The following TFEC variants were observed in gnomAD, a reference collection of about 807,000 sequenced individuals.
The protein encoded by TFEC is transcription factor EC, also known as class E basic helix-loop-helix protein 34.
TFEC carries 31 observed loss-of-function variants against 41.6 expected under a neutral mutation model. That is an observed-to-expected ratio of 0.74 (90% CI 0.56 to 1.01). The LOEUF (loss-of-function observed/expected upper bound fraction) is 1.01, where lower values mean the gene tolerates loss of function less well. Ranked by LOEUF, TFEC falls within the 50% of genes least tolerant of loss-of-function variation. The pLI is 0.00. For missense variants in TFEC, 402 were observed against 404.1 expected (o/e 0.99, Z 0.04); for synonymous variants, 143 against 140.6 (o/e 1.02, Z -0.12).
In TFEC at chr7:115,938,472, G is replaced by A. The variant is rs1793335788; in HGVS notation, c.*2079C>T. ...TAGCTGTTTCACATGGCATATTTCA[G>A]ATGAATTTATCTATCAGGCTTTAAT... On this transcript the variant is annotated 3_prime_UTR_variant, in exon 8 of 8. Coordinates refer to ENST00000265440, the MANE Select transcript of TFEC (RefSeq NM_012252.4). 6.6e-6 allele frequency: 1 copy of A among 151,840 alleles called. No individual in the cohort carries two copies. Among genetic ancestry groups the A allele is most frequent in the Non-Finnish European group, 1.5e-5 (1 of 67,872 alleles). 9.4% of individuals were successfully genotyped at this position (151,840 alleles called of 1,614,324 possible).
chr7:116,106,362 G>T (rs1472915204), intron 3 of TFEC, among the ~76,000 whole-genome samples: 1 of 151,632 alleles, frequency 6.6e-6, no homozygotes, highest in African/African-American at 2.4e-5. Flanking sequence ...GATGACTTCA[G>T]TTTTTTGTTT....
intron 2 of TFEC, among the ~76,000 whole-genome samples, chr7:115,983,113 T>C (rs901766249): frequency 1.2e-4 from 19 of 152,216 alleles, no homozygotes; most frequent in Admixed American, 6.5e-5. Flanking sequence ...TCATCTGATA[T>C]ATATTTTTAC....
At chr7:116,097,765 T>C (rs931014448) in intron 3 of TFEC, among the ~76,000 whole-genome samples, 1 of 152,098 alleles carries the variant, frequency 6.6e-6, no homozygotes, top group African/African-American at 2.4e-5. Flanking sequence ...AACAAAACTG[T>C]GAATAAAGGA....
chr7:116,111,068 G>A (rs1459343724), intron 2 of TFEC: 2 of 431,394 alleles, frequency 4.6e-6, no homozygotes, highest in Admixed American at 4.4e-5. Context: ...ATTATTTAAT[G>A]GTTATGGTTC....
At chr7:116,039,876 T>A (rs1158807977) in intron 3 of TFEC, among the ~76,000 whole-genome samples, 19 of 152,162 alleles carry the variant, frequency 1.2e-4, no homozygotes, top group Non-Finnish European at 1.5e-5. Context: ...TGTTTGAATT[T>A]ATAATTTTTG....
In TFEC at chr7:115,938,896, C is replaced by T. The variant is rs775973347; in HGVS notation, c.*1655G>A. On this transcript the variant is annotated 3_prime_UTR_variant, in exon 8 of 8. Coordinates refer to ENST00000265440, the MANE Select transcript of TFEC (RefSeq NM_012252.4). ...AGTCTTATGCTTCAGAACTCCCCAACAGACATCTTCTAGGGCATCCAGATC... is the reference window on the plus strand; with the variant it reads ...AGTCTTATGCTTCAGAACTCCCCAATAGACATCTTCTAGGGCATCCAGATC... 1 of 151,974 alleles carries T rather than the reference C, an allele frequency of 6.6e-6. No individual in the cohort carries two copies. The highest frequency in any genetic ancestry group is 1.5e-5 in the Non-Finnish European group (1 of 67,930). The allele number at this position is 151,974 out of a possible 1,614,324, so 9.4% of individuals were successfully genotyped here. A position where few individuals can be genotyped will look rare whatever the true frequency, so the allele number is the denominator to read the frequency against.
At chr7:116,074,251 C>T (rs1429092124) in intron 3 of TFEC, among the ~76,000 whole-genome samples, 3 of 151,538 alleles carry the variant, frequency 2.0e-5, no homozygotes, top group Non-Finnish European at 4.4e-5. Flanking sequence ...CACACACACA[C>T]ATATATAAAT....
intron 1 of TFEC, among the ~76,000 whole-genome samples, chr7:116,029,626 G>A (rs968074520): frequency 2.0e-5 from 3 of 151,688 alleles, no homozygotes; most frequent in Non-Finnish European, 2.9e-5. Context: ...TTGAAAGTAT[G>A]GAGTTATAAC....
intron 3 of TFEC, among the ~76,000 whole-genome samples, chr7:115,967,665 A>G (rs1792924340): frequency 6.6e-6 from 1 of 151,822 alleles, no homozygotes; most frequent in African/African-American, 2.4e-5. Context: ...ATTATGACAC[A>G]TGTAAATATA....
intron 1 of TFEC, among the ~76,000 whole-genome samples, chr7:116,114,730 G>C (rs1797936016): frequency 6.6e-6 from 1 of 152,022 alleles, no homozygotes; most frequent in African/African-American, 2.4e-5. Context: ...CACAAAAGCA[G>C]CATCCGAGAA....
intron 2 of TFEC, among the ~76,000 whole-genome samples, chr7:115,979,360 A>G (rs555475690): frequency 1.2e-4 from 18 of 152,060 alleles, no homozygotes; most frequent in Admixed American, 9.2e-4. Context: ...TCCCATCTCT[A>G]TTCTGCGCTC....
At chr7:116,088,905 T>C (rs1281410331) in intron 3 of TFEC, among the ~76,000 whole-genome samples, 4 of 152,066 alleles carry the variant, frequency 2.6e-5, no homozygotes, top group African/African-American at 9.7e-5. Context: ...GGAAATTTAC[T>C]GAGTGAGTAC....
At chr7:116,055,911 G>A (rs1019914746) in intron 3 of TFEC, among the ~76,000 whole-genome samples, 7 of 151,892 alleles carry the variant, frequency 4.6e-5, no homozygotes, top group Non-Finnish European at 7.4e-5. Context: ...ATACCATGCC[G>A]TTTCTGTTCT....
At chr7:116,041,284 T>TA (rs984430607) in intron 3 of TFEC, among the ~76,000 whole-genome samples, 12 of 148,314 alleles carry the variant, frequency 8.1e-5, no homozygotes, top group South Asian at 2.1e-4. Flanking sequence ...AAGGAAGCAT[T>TA]AAAAAAAAAG....
chr7:115,969,151 G>A (rs568420633), intron 3 of TFEC, among the ~76,000 whole-genome samples: 5 of 151,818 alleles, frequency 3.3e-5, no homozygotes, highest in African/African-American at 9.6e-5. Flanking sequence ...CATTTGCTGA[G>A]CACCTGTGAT....
At chr7:116,051,551 A>C (rs1796312466) in intron 3 of TFEC, among the ~76,000 whole-genome samples, 1 of 152,200 alleles carries the variant, frequency 6.6e-6, no homozygotes, top group Non-Finnish European at 1.5e-5. Context: ...CTGCCACAGA[A>C]CTGGAACAAA....
At position 115,936,524 on chromosome 7, in the gene TFEC, TAAAAAAATTTGGA is replaced by T. The variant is rs926456563; in HGVS notation, c.*4014_*4026del. The T allele has an allele frequency of 1.3e-5, 2 of 151,684 alleles. No individual in the cohort carries two copies. Among genetic ancestry groups the T allele is most frequent in the Non-Finnish European group, 3.0e-5 (2 of 67,670 alleles). The allele number at this position is 151,684 out of a possible 1,614,324, so 9.4% of individuals were successfully genotyped here. A position where few individuals can be genotyped will look rare whatever the true frequency, so the allele number is the denominator to read the frequency against. On this transcript the variant is annotated 3_prime_UTR_variant, in exon 8 of 8. Coordinates refer to ENST00000265440, the MANE Select transcript of TFEC (RefSeq NM_012252.4). Reference sequence around the variant, plus strand: ...TGTTTGAATAGGGTCAAAGACATTGTAAAAAAATTTGGAACACTTAGTTATGCCATTTATTTAT... The same window carrying T: ...TGTTTGAATAGGGTCAAAGACATTGTACACTTAGTTATGCCATTTATTTAT...
intron 1 of TFEC, among the ~76,000 whole-genome samples, chr7:116,132,008 T>G (rs1798342370): frequency 1.3e-5 from 2 of 152,222 alleles, no homozygotes; most frequent in African/African-American, 4.8e-5. Flanking sequence ...TCATTATGCT[T>G]CACTTTATGC....
chr7:116,073,871 A>G (rs1012513781), intron 3 of TFEC, among the ~76,000 whole-genome samples: 1 of 151,984 alleles, frequency 6.6e-6, no homozygotes, highest in Admixed American at 6.6e-5. Context: ...CAGAAATAAT[A>G]GACATAGATC....
Sources: gnomAD v4.1 joint callset for allele counts (sites outside exome capture counted in the v4.1 genomes callset) on GRCh38, gnomAD v4.1.1 for gene constraint, MANE v1.5 for transcripts, NCBI Gene and HGNC (gene_info 2026-07-23, HGNC 2026-07-21) for gene names.